The following ANKRD36 variants were observed in gnomAD, a reference collection of about 807,000 sequenced individuals.
The protein encoded by ANKRD36 is ankyrin repeat domain 36.
ANKRD36 carries 179 observed loss-of-function variants against 278.1 expected under a neutral mutation model. The observed-to-expected ratio is 0.64, with a 90% CI of 0.57 to 0.73. The LOEUF (loss-of-function observed/expected upper bound fraction) is 0.73. ANKRD36 is among the 30% of genes least tolerant of loss of function. The pLI is 0.00. For synonymous variants in ANKRD36, 320 were observed against 641.1 expected (o/e 0.50, Z 7.57); for missense variants, 1,159 against 1,956.7 (o/e 0.59, Z 7.69).
chr2:97,195,279 A>G lies in ANKRD36; in HGVS notation c.2551+362A>G, dbSNP rs550337420. ...ACAGACGTCACATCGTAGTGCTAAA[A>G]ACAGACAGAAAACTGTTCATAATAA... is the stretch of plus-strand genomic sequence containing the variant. On this transcript the variant is annotated intron_variant, in intron 40 of 75. Coordinates refer to ENST00000420699, the MANE Select transcript of ANKRD36 (RefSeq NM_001354587.1). Among the ~76,000 whole-genome samples, 127 of 152,068 alleles carry G rather than the reference A, an allele frequency of 8.4e-4. 1 individual carries two copies. Among genetic ancestry groups the G allele is most frequent in the Admixed American group, 1.4e-3 (22 of 15,262 alleles).
At chr2:97,220,756 A>ATTTTTTAT (rs1229484526) in intron 66 of ANKRD36, among the ~76,000 whole-genome samples, 1 of 66,256 alleles carries the variant, frequency 1.5e-5, no homozygotes, top group Non-Finnish European at 2.6e-5. Context: ...TTAATTTTTA[A>ATTTTTTAT]TTTTCTTTTT....
In ANKRD36 at chr2:97,188,836, T is replaced by C. The variant is rs561425183; in HGVS notation, c.2144-251T>C. Among the ~76,000 whole-genome samples the C allele has an allele frequency of 2.7e-4, 25 of 91,556 alleles. 3 individuals carry two copies. The highest frequency in any genetic ancestry group is 5.4e-4 in the African/African-American group (21 of 38,876). The allele number at this position is 91,556 out of a possible 152,430, so 60.1% of individuals were successfully genotyped here. On this transcript the variant is annotated intron_variant, in intron 32 of 75. Transcript: ENST00000420699. ...CATATCCACATTGATATTGACACGG[T>C]TTTATTTTAGTTTTCGACATATGAC...
At position 97,200,648 on chromosome 2, in the gene ANKRD36, T is replaced by C. The variant is rs1575759971; in HGVS notation, c.2857+123T>C. 5.5e-6 allele frequency: 8 copies of C among 1,447,988 alleles called. No individual in the cohort carries two copies. The East Asian group carries it at 2.0e-4, about 36-fold the overall frequency. 89.7% of individuals were successfully genotyped at this position (1,447,988 alleles called of 1,614,324 possible). ...TGATTCACCAAGCTTGAGATTCTTC[T>C]TTTCTAACAAGTTCTTGGGTTATGC... On this transcript the variant is annotated intron_variant, in intron 46 of 75. Transcript: ENST00000420699.
At position 97,185,509 on chromosome 2, in the gene ANKRD36, A is replaced by T. The variant is rs1202169909; in HGVS notation, c.2040A>T (p.Thr680=). 1 of 1,610,262 alleles carries T rather than the reference A, an allele frequency of 6.2e-7. No individual in the cohort carries two copies. The highest frequency in any genetic ancestry group is 1.7e-5 in the Admixed American group (1 of 59,354). The stretch of plus-strand genomic sequence containing the variant: ...TAAAGGATGGACTACAGTGTGGGAC[A>T]GGTAATTTTGCAAAACACATTTAAT... ...TEIKDGLQCG[T]VSSQKQPALK... Residue 680 remains threonine, a splice_region_variant and synonymous_variant, in exon 30 of 76, where the codon ACA becomes ACT. Coordinates refer to ENST00000420699, the MANE Select transcript of ANKRD36 (RefSeq NM_001354587.1).
intron 20 of ANKRD36, among the ~76,000 whole-genome samples, 186 bp downstream of exon 20, chr2:97,164,655 G>T (rs74515241): frequency 2.6e-5 from 4 of 152,310 alleles, no homozygotes; most frequent in Admixed American, 1.3e-4. Context: ...CATTTTACAC[G>T]GTGAGCTCTA....
At chr2:97,162,655 G>A (rs1575136871) in intron 18 of ANKRD36, among the ~76,000 whole-genome samples, 1 of 147,242 alleles carries the variant, frequency 6.8e-6, no homozygotes, top group African/African-American at 2.5e-5. Flanking sequence ...TGCTGCTTTG[G>A]AGCTTACTGG....
intron 46 of ANKRD36, among the ~76,000 whole-genome samples, chr2:97,201,383 A>G (rs1428353867): frequency 4.6e-5 from 7 of 151,924 alleles, no homozygotes; most frequent in Admixed American, 1.3e-4. Flanking sequence ...TTGCATTCCA[A>G]TTAAGTCCTA....
rs1158042140 is a variant in ANKRD36, at chr2:97,192,560, C to G, written c.2348-298C>G. Among the ~76,000 whole-genome samples the G allele has an allele frequency of 1.3e-5, 2 of 151,728 alleles. 1 individual carries two copies. The stretch of plus-strand genomic sequence containing the variant: ...ATGAGTTTCTCCTCTGATTTTAGAT[C>G]ACATTTGTCCGCATCACTTGGCATA... On this transcript the variant is annotated intron_variant, in intron 36 of 75. Coordinates refer to ENST00000420699, the MANE Select transcript of ANKRD36 (RefSeq NM_001354587.1).
chr2:97,252,403 T>TG (rs2075935702), intron 75 of ANKRD36: 1 of 60,178 alleles, frequency 1.7e-5, no homozygotes, highest in Non-Finnish European at 3.0e-5. Context: ...AAAATATTTT[T>TG]TATCTTTTAT....
chr2:97,116,981 C>T (rs2035575089), intron 1 of ANKRD36, among the ~76,000 whole-genome samples: 1 of 151,904 alleles, frequency 6.6e-6, no homozygotes, highest in African/African-American at 2.4e-5. Flanking sequence ...TTTACCTGCC[C>T]AGCCTGAGCA....
chr2:97,225,303 T>A (rs1223589642), intron 67 of ANKRD36, among the ~76,000 whole-genome samples: 5 of 152,086 alleles, frequency 3.3e-5, no homozygotes, highest in Non-Finnish European at 7.3e-5. Flanking sequence ...CAGTCACTAA[T>A]ACCAAGGTTA....
intron 10 of ANKRD36, 23 bp downstream of exon 10, chr2:97,144,735 A>G: frequency 6.5e-7 from 1 of 1,542,952 alleles, no homozygotes; most frequent in African/African-American, 1.4e-5. Context: ...TACACATTTA[A>G]TGCCATGTAC....
rs1373677190 is a variant in ANKRD36 at position 97,149,447 on chromosome 2, C to T, written c.1101+86C>T. ...TCTTCTAAAACTTAGCAGTTGTCTACCTATCATTGTTTTATGTTACTATTA... is the reference window on the plus strand; with the variant it reads ...TCTTCTAAAACTTAGCAGTTGTCTATCTATCATTGTTTTATGTTACTATTA... On this transcript the variant is annotated intron_variant, in intron 12 of 75. Coordinates refer to ENST00000420699, the MANE Select transcript of ANKRD36 (RefSeq NM_001354587.1). 6.3e-5 allele frequency: 71 copies of T among 1,135,060 alleles called. 2 individuals are homozygous for T. The highest frequency in any genetic ancestry group is 1.7e-4 in the East Asian group (6 of 35,430). The allele number at this position is 1,135,060 out of a possible 1,614,324, so 70.3% of individuals were successfully genotyped here. A position where few individuals can be genotyped will look rare whatever the true frequency, so the allele number is the denominator to read the frequency against.
intron 68 of ANKRD36, among the ~76,000 whole-genome samples, chr2:97,240,989 T>TTG (rs2074260578): frequency 1.2e-4 from 7 of 57,298 alleles, no homozygotes. Flanking sequence ...TATGTTTTTT[T>TTG]TTTTTTTTTT....
At chr2:97,149,165 A>T (rs1332637121) in intron 11 of ANKRD36, 130 bp from the exon 12 acceptor site, 1 of 706,940 alleles carries the variant, frequency 1.4e-6, no homozygotes, top group African/African-American at 1.8e-5. Flanking sequence ...TTTAACATGC[A>T]GATAACTGAG....
chr2:97,130,468 G>C (rs993812788), intron 6 of ANKRD36, among the ~76,000 whole-genome samples: 2 of 109,884 alleles, frequency 1.8e-5, no homozygotes, highest in Non-Finnish European at 3.5e-5. Flanking sequence ...AGGGGGGAGG[G>C]ATAACATTAG....
chr2:97,138,790 C>T (rs1260060287), intron 6 of ANKRD36, among the ~76,000 whole-genome samples: 3 of 151,940 alleles, frequency 2.0e-5, no homozygotes, highest in Non-Finnish European at 4.4e-5. Flanking sequence ...CATACATCTA[C>T]ACCATCTGAT....
intron 46 of ANKRD36, among the ~76,000 whole-genome samples, 152 bp downstream of exon 46, chr2:97,200,677 T>G (rs2061116647): frequency 6.6e-6 from 1 of 151,918 alleles, no homozygotes; most frequent in South Asian, 2.1e-4. Flanking sequence ...GTTATGCTGA[T>G]GCTGCTTGTC....
intron 38 of ANKRD36, among the ~76,000 whole-genome samples, chr2:97,193,589 C>CA (rs2059015051): frequency 6.6e-6 from 1 of 150,574 alleles, no homozygotes; most frequent in Non-Finnish European, 1.5e-5. Flanking sequence ...TGAGTGAACT[C>CA]ACTTCAGATG....
Sources: gnomAD v4.1 joint callset for allele counts (sites outside exome capture counted in the v4.1 genomes callset) on GRCh38, gnomAD v4.1.1 for gene constraint, MANE v1.5 for transcripts, NCBI Gene and HGNC (gene_info 2026-07-23, HGNC 2026-07-21) for gene names.